The following KCNN3 variants were observed in gnomAD, a reference collection of about 807,000 sequenced individuals.
KCNN3 encodes the protein small conductance calcium-activated potassium channel protein 3.
KCNN3 carries 16 observed loss-of-function variants against 62.9 expected under a neutral mutation model. The ratio of observed to expected loss-of-function variants is 0.25; its 90% confidence interval spans 0.17 to 0.39. KCNN3 has a LOEUF of 0.39. Ranked by LOEUF, KCNN3 falls within the 10% of genes least tolerant of loss-of-function variation. The pLI is 1.00. For missense variants in KCNN3, 599 were observed against 949.4 expected, an observed-to-expected ratio of 0.63 and a Z score of 4.85; for synonymous variants, 370 against 389.2, an observed-to-expected ratio of 0.95 and a Z score of 0.58.
intron 1 of KCNN3, among the ~76,000 whole-genome samples, chr1:154,846,120 C>T (rs1337863887): frequency 1.3e-5 from 2 of 152,296 alleles, no homozygotes; most frequent in South Asian, 2.1e-4. Flanking sequence ...AACCCATCAG[C>T]GCTGGCTTCC....
intron 7 of KCNN3, among the ~76,000 whole-genome samples, chr1:154,710,435 G>T (rs910037015): frequency 1.3e-5 from 2 of 152,194 alleles, no homozygotes; most frequent in Non-Finnish European, 2.9e-5. Flanking sequence ...CTCCTCCCCA[G>T]ATCTCCCCAC....
At chr1:154,714,518 T>G (rs1168871992) in intron 6 of KCNN3, among the ~76,000 whole-genome samples, 2 of 117,008 alleles carry the variant, frequency 1.7e-5, no homozygotes, top group East Asian at 2.7e-4. Flanking sequence ...TGTGTGTGTG[T>G]GGTGTTTGTG....
intron 4 of KCNN3, among the ~76,000 whole-genome samples, chr1:154,731,289 G>A (rs758609836): frequency 5.9e-5 from 9 of 152,202 alleles, no homozygotes; most frequent in Non-Finnish European, 1.0e-4. Context: ...CCTACTAACC[G>A]ATGGGAGGTA....
chr1:154,754,140 C>T (rs1294515251), intron 3 of KCNN3, among the ~76,000 whole-genome samples: 4 of 152,084 alleles, frequency 2.6e-5, no homozygotes, highest in Admixed American at 1.3e-4. Context: ...GCCTTGGTCA[C>T]TAAATTTAAA....
intron 2 of KCNN3, among the ~76,000 whole-genome samples, chr1:154,808,633 A>ATTAATCACCT: frequency 6.6e-6 from 1 of 152,212 alleles, no homozygotes; most frequent in Admixed American, 6.5e-5. Flanking sequence ...TGCTGAATGA[A>ATTAATCACCT]TTAATCACCT....
intron 3 of KCNN3, among the ~76,000 whole-genome samples, chr1:154,740,290 T>C (rs533098768): frequency 2.4e-4 from 37 of 152,338 alleles, no homozygotes; most frequent in Non-Finnish European, 4.4e-4. Flanking sequence ...CTTATTGTTA[T>C]TGTATTTTTA....
intron 1 of KCNN3, among the ~76,000 whole-genome samples, chr1:154,849,250 A>G (rs1652211512): frequency 6.6e-6 from 1 of 152,192 alleles, no homozygotes; most frequent in Admixed American, 6.5e-5. Context: ...TGCAAATTCC[A>G]TCTTCCCCAA....
chr1:154,755,393 C>T (rs953733198), intron 3 of KCNN3, among the ~76,000 whole-genome samples: 1 of 151,494 alleles, frequency 6.6e-6, no homozygotes, highest in Non-Finnish European at 1.5e-5. Context: ...TGCTTGAGCC[C>T]AGGAGTTAAA....
At chr1:154,722,733 T>C (rs1700381847) in intron 5 of KCNN3, among the ~76,000 whole-genome samples, 1 of 146,038 alleles carries the variant, frequency 6.8e-6, no homozygotes, top group Admixed American at 6.9e-5. Flanking sequence ...GTATTTCTTT[T>C]TTTTTTTTTC....
At chr1:154,805,245 T>C (rs1650120991) in intron 2 of KCNN3, among the ~76,000 whole-genome samples, 1 of 152,058 alleles carries the variant, frequency 6.6e-6, no homozygotes, top group African/African-American at 2.4e-5. Flanking sequence ...TGGACACAAT[T>C]GTCAGGTAGG....
chr1:154,732,186 G>A (rs1042069365), intron 4 of KCNN3, among the ~76,000 whole-genome samples: 1 of 152,220 alleles, frequency 6.6e-6, no homozygotes, highest in African/African-American at 2.4e-5. Flanking sequence ...GGTCCAATAT[G>A]CAGAGTGCCT....
At chr1:154,766,416 T>TTAAATATATATATATATATAGATATATA (rs1553231995) in intron 3 of KCNN3, among the ~76,000 whole-genome samples, 1 of 71,812 alleles carries the variant, frequency 1.4e-5, no homozygotes, top group Non-Finnish European at 2.8e-5. Context: ...TAGCCAGGCT[T>TTAAATATATATATATATATAGATATATA]TATATATATA....
At position 154,752,509 on chromosome 1, in the gene KCNN3, A is replaced by C. The variant is rs558001961; in HGVS notation, c.1449-19365T>G. ...ACTCTGCGGGCAGCAGCCCCGGGCCAGCAGTGAGACCCTGGCTCGCTTACC... is the reference window on the plus strand; with the variant it reads ...ACTCTGCGGGCAGCAGCCCCGGGCCCGCAGTGAGACCCTGGCTCGCTTACC... On this transcript the variant is annotated intron_variant, in intron 3 of 7. Transcript: ENST00000271915. Among the ~76,000 whole-genome samples, 626 of 152,306 alleles carry C rather than the reference A, an allele frequency of 4.1e-3. 3 individuals are homozygous for C. The highest frequency in any genetic ancestry group is 0.015 in the African/African-American group (608 of 41,566).
rs543914524 is a variant in KCNN3 at position 154,708,170 on chromosome 1, C to T, written c.2002G>A (p.Ala668Thr). Residue 668 changes from alanine to threonine, a missense_variant, in exon 8 of 8, where the codon GCC becomes ACC. Coordinates refer to ENST00000271915, the MANE Select transcript of KCNN3 (RefSeq NM_002249.6). ...AGCAGCGGCAGGGAGTTGAAGCTGGCGGTGAGATGCTCCAGCTTCGACTCC... is the reference window on the plus strand; with the variant it reads ...AGCAGCGGCAGGGAGTTGAAGCTGGTGGTGAGATGCTCCAGCTTCGACTCC... The part of the protein sequence containing the change: ...SLESKLEHLT[A>T]SFNSLPLLIA... 10 of 1,613,510 alleles carry T rather than the reference C, an allele frequency of 6.2e-6. No homozygotes were observed. In the East Asian group the frequency reaches 2.0e-4, roughly 32 times the overall value.
intron 1 of KCNN3, among the ~76,000 whole-genome samples, chr1:154,858,957 A>C (rs1383287192): frequency 1.3e-5 from 2 of 152,066 alleles, no homozygotes; most frequent in Non-Finnish European, 2.9e-5. Flanking sequence ...GATCTTGCCC[A>C]CCCAGGCTAG....
At chr1:154,850,819 G>C (rs1347533178) in intron 1 of KCNN3, among the ~76,000 whole-genome samples, 1 of 152,196 alleles carries the variant, frequency 6.6e-6, no homozygotes, top group African/African-American at 2.4e-5. Context: ...GGGAGCTTCT[G>C]AGCATTTATG....
intron 7 of KCNN3, 150 bp from the exon 8 acceptor site, chr1:154,708,422 T>C (rs1457445046): frequency 1.2e-6 from 1 of 807,982 alleles, no homozygotes; most frequent in African/African-American, 1.7e-5. Context: ...GCTTCTTTCC[T>C]GGGGATGGGG....
intron 2 of KCNN3, among the ~76,000 whole-genome samples, chr1:154,777,070 T>A (rs942320436): frequency 6.6e-6 from 1 of 152,216 alleles, no homozygotes; most frequent in Non-Finnish European, 1.5e-5. Context: ...TTTAGTGAAT[T>A]AGTAACTCCC....
chr1:154,772,222 C>T lies in KCNN3; in HGVS notation c.1201G>A (p.Ala401Thr), dbSNP rs781422166. The change falls in exon 3 of 8, where the codon GCC becomes ACC. Residue 401 changes from alanine to threonine, a missense_variant. By Grantham distance (58) the Ala-to-Thr change is moderately conservative. Coordinates refer to ENST00000271915, the MANE Select transcript of KCNN3 (RefSeq NM_002249.6). This position sits in a 1 kb window ranked among gnomAD's most constrained non-coding sequence, Gnocchi z 5.6. Reference protein sequence around the residue: ...AFSYTPSRAEADVDIILSIPM... With the variant: ...AFSYTPSRAETDVDIILSIPM... ...ATAGACAGGATGATGTCCACATCGG[C>T]CTCCGCCCGGGAGGGTGTGTAGGAG... The T allele has an allele frequency of 6.2e-7, 1 of 1,614,128 alleles. No individual in the cohort carries two copies.
Sources: allele counts gnomAD v4.1 joint callset (sites outside exome capture counted in the v4.1 genomes callset), GRCh38; gene constraint gnomAD v4.1.1; non-coding constraint Gnocchi (gnomAD v3.1); transcripts MANE v1.5; gene names NCBI Gene and HGNC (gene_info 2026-07-23, HGNC 2026-07-21).